Variants in CREBBP observed in about 807,000 individuals in gnomAD.
CREBBP encodes CREB binding lysine acetyltransferase.
CREBBP carries 19 observed loss-of-function variants against 265.0 expected under a neutral mutation model. That is an observed-to-expected ratio of 0.07 (90% confidence interval 0.05 to 0.11). The LOEUF (loss-of-function observed/expected upper bound fraction) is 0.11, where lower values mean the gene tolerates loss of function less well. CREBBP is among the 10% of genes least tolerant of loss of function. The pLI is 1.00. For synonymous variants in CREBBP, 1,457 were observed against 1,223.7 expected, an observed-to-expected ratio of 1.19 and a Z score of -3.98; for missense variants, 2,525 against 3,219.0, an observed-to-expected ratio of 0.78 and a Z score of 5.22.
chr16:3,802,809 G>A (rs748669926), intron 3 of CREBBP, among the ~76,000 whole-genome samples: 4 of 152,066 alleles, frequency 2.6e-5, no homozygotes, highest in Non-Finnish European at 5.9e-5. Flanking sequence ...CATCGCAACA[G>A]GGTCCAAACC....
chr16:3,858,188 A>G (rs891753892), intron 1 of CREBBP, among the ~76,000 whole-genome samples: 1 of 152,220 alleles, frequency 6.6e-6, no homozygotes, highest in Admixed American at 6.5e-5. Context: ...CAAGGAATGA[A>G]CTACTAGAAT....
chr16:3,797,423 G>A (rs895366699), intron 3 of CREBBP, among the ~76,000 whole-genome samples: 3 of 152,086 alleles, frequency 2.0e-5, no homozygotes, highest in African/African-American at 7.2e-5. Context: ...AACTCCCAGT[G>A]GATGCCTGAA....
intron 17 of CREBBP, 110 bp from the exon 18 acceptor site, chr16:3,758,158 C>T (rs1437889719): frequency 9.6e-6 from 11 of 1,141,206 alleles, no homozygotes; most frequent in Non-Finnish European, 1.4e-5. Flanking sequence ...ACCAAAATAA[C>T]TTCCATTCCC....
At chr16:3,869,536 C>T (rs1168690389) in intron 1 of CREBBP, among the ~76,000 whole-genome samples, 2 of 152,164 alleles carry the variant, frequency 1.3e-5, no homozygotes, top group African/African-American at 4.8e-5. Context: ...AGTAAATGTA[C>T]TTACAGTTGT....
At chr16:3,852,258 T>C (rs2054868233) in intron 1 of CREBBP, among the ~76,000 whole-genome samples, 1 of 130,344 alleles carries the variant, frequency 7.7e-6, no homozygotes, top group South Asian at 2.9e-4. Flanking sequence ...AAGGTCCGCC[T>C]CCCGGGTTCA....
At chr16:3,857,265 C>G (rs913631924) in intron 1 of CREBBP, among the ~76,000 whole-genome samples, 4 of 152,058 alleles carry the variant, frequency 2.6e-5, no homozygotes, top group African/African-American at 9.7e-5. Context: ...CTTTTTCATC[C>G]TATTTCAGTC....
At chr16:3,785,527 C>CGTG (rs1169748897) in intron 5 of CREBBP, among the ~76,000 whole-genome samples, 1 of 152,258 alleles carries the variant, frequency 6.6e-6, no homozygotes, top group Non-Finnish European at 1.5e-5. Flanking sequence ...TGCTCTTCAC[C>CGTG]ACCTGCCACA....
chr16:3,808,927 A>G (rs1195777873), intron 3 of CREBBP, among the ~76,000 whole-genome samples: 1 of 152,182 alleles, frequency 6.6e-6, no homozygotes, highest in Non-Finnish European at 1.5e-5. Context: ...GTGGTGCCAG[A>G]GCCCAGCATT....
intron 11 of CREBBP, among the ~76,000 whole-genome samples, chr16:3,775,530 C>T (rs2053116845): frequency 1.3e-5 from 2 of 152,170 alleles, no homozygotes; most frequent in Admixed American, 6.5e-5. Context: ...CATGAGAAGG[C>T]TCAAAGGATG....
chr16:3,831,472 A>G (rs1334149761), intron 2 of CREBBP, among the ~76,000 whole-genome samples: 1 of 152,200 alleles, frequency 6.6e-6, no homozygotes, highest in Non-Finnish European at 1.5e-5. Flanking sequence ...TTAATATTGG[A>G]AAAGTCTAAA....
chr16:3,736,011 A>G (rs759195294), intron 28 of CREBBP, 25 bp downstream of exon 28: 5 of 1,614,032 alleles, frequency 3.1e-6, no homozygotes, highest in South Asian at 2.2e-5. Context: ...CACGTGGGCA[A>G]TGGAGCTCAG....
Position 3,767,651 on chromosome 16 carries a change from C to T in CREBBP, c.3250+69G>A. On this transcript the variant is annotated intron_variant, in intron 16 of 30. Transcript: ENST00000262367. ...TTATGTTTCTACTTTAGCTTTTAATCCTCCACATGGAATCCTAACACCGTG... is the reference window on the plus strand; with the variant it reads ...TTATGTTTCTACTTTAGCTTTTAATTCTCCACATGGAATCCTAACACCGTG... The T allele has an allele frequency of 2.5e-6, 4 of 1,592,008 alleles. No individual in the cohort carries two copies. The South Asian group carries it at 4.4e-5, about 18-fold the overall frequency.
At chr16:3,805,169 G>C (rs775211940) in intron 3 of CREBBP, among the ~76,000 whole-genome samples, 6 of 152,210 alleles carry the variant, frequency 3.9e-5, no homozygotes, top group Non-Finnish European at 5.9e-5. Context: ...TTTTCTCAGT[G>C]ATCTTCAAGA....
intron 16 of CREBBP, among the ~76,000 whole-genome samples, chr16:3,767,031 T>C (rs1193725467): frequency 6.6e-6 from 1 of 152,198 alleles, no homozygotes; most frequent in Non-Finnish European, 1.5e-5. Flanking sequence ...TCTGCAGCCT[T>C]GGACTTTCTG....
At position 3,757,481 on chromosome 16, in the gene CREBBP, T is replaced by C. The variant is rs573736062; in HGVS notation, c.3610-105A>G. ...GACTAGTAAATTATTTCTGTTAGTA[T>C]ATTAGACAGTTTTCTAACAATTTTA... On this transcript the variant is annotated intron_variant, in intron 18 of 30. Coordinates refer to ENST00000262367, the MANE Select transcript of CREBBP (RefSeq NM_004380.3). The C allele has an allele frequency of 4.1e-5, 43 of 1,047,678 alleles. No individual in the cohort carries two copies. In the African/African-American group the frequency reaches 5.9e-4, roughly 14 times the overall value. The allele number at this position is 1,047,678 out of a possible 1,614,324, so 64.9% of individuals were successfully genotyped here. A position where few individuals can be genotyped will look rare whatever the true frequency, so the allele number is the denominator to read the frequency against.
intron 20 of CREBBP, 24 bp from the exon 21 acceptor site, chr16:3,749,707 GT>G (rs1555476512): frequency 6.7e-7 from 1 of 1,502,472 alleles, no homozygotes; most frequent in Non-Finnish European, 9.2e-7. Flanking sequence ...AAGAAAACAT[GT>G]TTTATTAACT....
chr16:3,738,451 G>T, intron 26 of CREBBP, 108 bp downstream of exon 26: 1 of 767,078 alleles, frequency 1.3e-6, no homozygotes. Flanking sequence ...TCTTAGGATG[G>T]AAAAATAAAA....
chr16:3,871,921 A>G (rs961915966), intron 1 of CREBBP, among the ~76,000 whole-genome samples: 41 of 152,378 alleles, frequency 2.7e-4, no homozygotes, highest in African/African-American at 9.9e-4. Context: ...AAACAATAGC[A>G]GACAGTACAA....
At chr16:3,787,401 G>C (rs1209349040) in intron 5 of CREBBP, among the ~76,000 whole-genome samples, 1 of 152,126 alleles carries the variant, frequency 6.6e-6, no homozygotes, top group African/African-American at 2.4e-5. Context: ...ACGACCCTTT[G>C]GTGCTTAAGT....
Sources: gnomAD v4.1 joint callset for allele counts (sites outside exome capture counted in the v4.1 genomes callset) on GRCh38, gnomAD v4.1.1 for gene constraint, MANE v1.5 for transcripts, NCBI Gene and HGNC (gene_info 2026-07-23, HGNC 2026-07-21) for gene names.